Variants in SLC6A11 observed in about 807,000 individuals in gnomAD.
SLC6A11 encodes sodium- and chloride-dependent GABA transporter 3.
In SLC6A11, 25 loss-of-function variants were observed where a neutral mutation model predicts 74.8. The ratio of observed to expected loss-of-function variants is 0.33; its 90% CI spans 0.24 to 0.47. SLC6A11 has a LOEUF of 0.47. Ranked by LOEUF, SLC6A11 falls within the 20% of genes least tolerant of loss-of-function variation. SLC6A11 has a pLI of 1.00. For synonymous variants in SLC6A11, 330 were observed against 330.2 expected, an observed-to-expected ratio of 1.00 and a Z score of 0.01; for missense variants, 574 against 837.0, an observed-to-expected ratio of 0.69 and a Z score of 3.88.
intron 5 of SLC6A11, among the ~76,000 whole-genome samples, chr3:10,847,828 C>T (rs1694523846): frequency 6.6e-6 from 1 of 152,148 alleles, no homozygotes; most frequent in Admixed American, 6.5e-5. Flanking sequence ...TTTTGGAGTT[C>T]TGTACAAAAA....
At position 10,918,592 on chromosome 3, in the gene SLC6A11, C is replaced by T. The variant is rs1695491553; in HGVS notation, c.1120+139C>T. 2.2e-6 allele frequency: 2 copies of T among 895,984 alleles called. No homozygotes were observed. The highest frequency in any genetic ancestry group is 2.0e-5 in the South Asian group (1 of 50,758). 55.5% of individuals were successfully genotyped at this position (895,984 alleles called of 1,614,324 possible). A position where few individuals can be genotyped will look rare whatever the true frequency, so the allele number is the denominator to read the frequency against. ...AGAAAGGGGCCCCACCATTCATCCA[C>T]AATCCAGGATCCTGGGAATTACCTA... is the stretch of plus-strand genomic sequence containing the variant. On this transcript the variant is annotated intron_variant, in intron 8 of 13. Coordinates refer to ENST00000254488, the MANE Select transcript of SLC6A11 (RefSeq NM_014229.3). The surrounding 1 kb of genome is among the most constrained non-coding windows in gnomAD (Gnocchi z 4.5).
chr3:10,835,835 G>A (rs1694359356), intron 4 of SLC6A11, among the ~76,000 whole-genome samples: 1 of 152,222 alleles, frequency 6.6e-6, no homozygotes, highest in South Asian at 2.1e-4. Context: ...AGCAGAAACA[G>A]GGTTGGGAGG....
At chr3:10,907,596 G>A (rs1301578511) in intron 6 of SLC6A11, among the ~76,000 whole-genome samples, 6 of 152,206 alleles carry the variant, frequency 3.9e-5, no homozygotes, top group Non-Finnish European at 8.8e-5. Context: ...TTAATAAAGT[G>A]TAGAACAAAA....
At chr3:10,868,563 G>A (rs1297909958) in intron 5 of SLC6A11, among the ~76,000 whole-genome samples, 2 of 152,202 alleles carry the variant, frequency 1.3e-5, no homozygotes, top group Admixed American at 1.3e-4. Flanking sequence ...TTAACCAAGG[G>A]GTGTGTTTTG....
chr3:10,878,856 G>T (rs1315763259), intron 6 of SLC6A11, among the ~76,000 whole-genome samples: 1 of 152,158 alleles, frequency 6.6e-6, no homozygotes, highest in Non-Finnish European at 1.5e-5. Context: ...ATATTTATGT[G>T]TGTATATAAT....
chr3:10,910,819 A>AT (rs67011478), intron 6 of SLC6A11, among the ~76,000 whole-genome samples: 38,904 of 126,276 alleles, frequency 0.31, 7,094 homozygotes, highest in African/African-American at 0.47. Flanking sequence ...GTTGCTGTGA[A>AT]TTTTTTTTTT....
chr3:10,839,446 C>T (rs140539057), intron 4 of SLC6A11, among the ~76,000 whole-genome samples: 6 of 152,306 alleles, frequency 3.9e-5, no homozygotes, highest in African/African-American at 4.8e-5. Flanking sequence ...GTTTGCAGGT[C>T]GGCTACTTGC....
chr3:10,823,215 A>T, intron 3 of SLC6A11, 87 bp from the exon 4 acceptor site: 1 of 916,500 alleles, frequency 1.1e-6, no homozygotes, highest in Non-Finnish European at 1.8e-6. Context: ...GAAAATGCCT[A>T]GTTGCGCATC....
At position 10,847,309 on chromosome 3, in the gene SLC6A11, T is replaced by C. The variant is rs183425878; in HGVS notation, c.756+2963T>C. Among the ~76,000 whole-genome samples the C allele has an allele frequency of 5.0e-3, 763 of 152,280 alleles. 1 individual carries two copies. The highest frequency in any genetic ancestry group is 7.0e-3 in the Non-Finnish European group (475 of 68,006). ...TGGCGATTTTCTTATGGACTGGTTA[T>C]AAAGAGGTATTTAATGAGATAGCAC... On this transcript the variant is annotated intron_variant, in intron 5 of 13. Coordinates refer to ENST00000254488, the MANE Select transcript of SLC6A11 (RefSeq NM_014229.3).
At chr3:10,882,280 CAA>C (rs1694990711) in intron 6 of SLC6A11, among the ~76,000 whole-genome samples, 1 of 152,218 alleles carries the variant, frequency 6.6e-6, no homozygotes, top group African/African-American at 2.4e-5. Flanking sequence ...CTCCACTGAT[CAA>C]GAGAGAGAAG....
Position 10,859,248 on chromosome 3 carries a change from G to A in SLC6A11, c.756+14902G>A, listed in dbSNP as rs142908146. ...GAATTTGTGAAATAAGCAAGAGTAT[G>A]AGTCAGCCCTCTGTGACCCAATGTA... is the stretch of plus-strand genomic sequence containing the variant. On this transcript the variant is annotated intron_variant, in intron 5 of 13. Transcript: ENST00000254488. 3.5e-3 allele frequency among the ~76,000 whole-genome samples: 540 copies of A among 152,310 alleles called. 4 individuals are homozygous for A. Among genetic ancestry groups the A allele is most frequent in the African/African-American group, 0.013 (525 of 41,554 alleles).
At chr3:10,929,077 G>T (rs367792878) in intron 9 of SLC6A11, 125 bp from the exon 10 acceptor site, 6 of 953,250 alleles carry the variant, frequency 6.3e-6, no homozygotes, top group South Asian at 1.6e-5. Flanking sequence ...CAGGCCCCTC[G>T]TCTGCATTAA....
chr3:10,821,246 A>T (rs533614321), intron 3 of SLC6A11, among the ~76,000 whole-genome samples: 1 of 152,262 alleles, frequency 6.6e-6, no homozygotes, highest in African/African-American at 2.4e-5. Context: ...AAATATGCAC[A>T]TGCTCTGGAT....
chr3:10,920,644 G>A (rs1575703938), intron 8 of SLC6A11, among the ~76,000 whole-genome samples: 3 of 152,168 alleles, frequency 2.0e-5, no homozygotes, highest in Non-Finnish European at 1.5e-5. Context: ...GCCTCCACTC[G>A]TGGCTGTGCA....
intron 5 of SLC6A11, among the ~76,000 whole-genome samples, chr3:10,866,653 A>G (rs1487106588): frequency 6.6e-6 from 1 of 152,232 alleles, no homozygotes; most frequent in African/African-American, 2.4e-5. Flanking sequence ...TTAGCTCTTC[A>G]TGGAAATACC....
chr3:10,866,049 G>GT (rs753574531), intron 5 of SLC6A11, among the ~76,000 whole-genome samples: 3 of 152,190 alleles, frequency 2.0e-5, no homozygotes, highest in Non-Finnish European at 2.9e-5. Context: ...AAACAGGATA[G>GT]TTTATTTCTC....
intron 5 of SLC6A11, among the ~76,000 whole-genome samples, chr3:10,849,353 A>G (rs769938554): frequency 3.8e-4 from 58 of 152,090 alleles, no homozygotes; most frequent in African/African-American, 1.3e-3. Context: ...TGATTTTCCT[A>G]TGTCATTGTT....
At position 10,839,471 on chromosome 3, in the gene SLC6A11, C is replaced by T. The variant is rs1029396727; in HGVS notation, c.624-4743C>T. On this transcript the variant is annotated intron_variant, in intron 4 of 13. Transcript: ENST00000254488. ...CGGCTACTTGCCTGCTGGAGATGCC[C>T]CTCCCTCTGCCTTGAGGATACCCCT... Among the ~76,000 whole-genome samples the T allele has an allele frequency of 3.9e-5, 6 of 152,166 alleles. 1 individual carries two copies. Among genetic ancestry groups the T allele is most frequent in the African/African-American group, 1.2e-4 (5 of 41,458 alleles).
At chr3:10,890,389 G>A (rs75173336) in intron 6 of SLC6A11, among the ~76,000 whole-genome samples, 4,826 of 152,286 alleles carry the variant, frequency 0.032, 112 homozygotes, top group Non-Finnish European at 0.046. Context: ...GTTGTCTTTG[G>A]AAGAAAAGAC....
Sources: gnomAD v4.1 joint callset for allele counts (sites outside exome capture counted in the v4.1 genomes callset) on GRCh38, gnomAD v4.1.1 for gene constraint, Gnocchi (gnomAD v3.1) non-coding constraint, MANE v1.5 for transcripts, NCBI Gene and HGNC (gene_info 2026-07-23, HGNC 2026-07-21) for gene names.